The following NPHP4 variants were observed in gnomAD, a reference collection of about 807,000 sequenced individuals.
NPHP4 encodes the protein nephrocystin-4.
Under a neutral mutation model 155.8 loss-of-function variants are expected in NPHP4, and 151 were observed. The ratio of observed to expected loss-of-function variants is 0.97; its 90% CI spans 0.85 to 1.11. NPHP4 has a LOEUF of 1.11. Among genes scored for constraint, NPHP4 ranks in the 50% least tolerant of loss-of-function variants. The pLI, the probability that NPHP4 is intolerant of heterozygous loss-of-function variation, is 0.00. For missense variants in NPHP4, 1,956 were observed against 1,925.7 expected (o/e 1.02, Z -0.29); for synonymous variants, 845 against 816.8 (o/e 1.03, Z -0.59).
chr1:5,981,430 C>T (rs1654678952), intron 2 of NPHP4, among the ~76,000 whole-genome samples: 1 of 152,092 alleles, frequency 6.6e-6, no homozygotes, highest in African/African-American at 2.4e-5. Flanking sequence ...AACTGAAATA[C>T]TCATCCCAAA....
intron 5 of NPHP4, 48 bp from the exon 6 acceptor site, chr1:5,961,997 T>A (rs778493178): frequency 6.7e-7 from 1 of 1,502,262 alleles, no homozygotes; most frequent in Admixed American, 1.8e-5. Context: ...AAAGCAAAGG[T>A]GCTTCCAGTC....
intron 9 of NPHP4, among the ~76,000 whole-genome samples, chr1:5,943,829 G>C (rs559693929): frequency 1.2e-4 from 18 of 152,318 alleles, no homozygotes; most frequent in South Asian, 2.1e-4. Flanking sequence ...TGACACTCCA[G>C]AGCCCTGTCT....
intron 1 of NPHP4, among the ~76,000 whole-genome samples, chr1:5,986,829 G>A (rs1190347551): frequency 6.6e-6 from 1 of 152,136 alleles, no homozygotes; most frequent in Non-Finnish European, 1.5e-5. Context: ...GGACATGAAG[G>A]GATGTTTTAT....
chr1:5,981,187 G>A (rs1004246333), intron 2 of NPHP4, among the ~76,000 whole-genome samples: 1 of 152,156 alleles, frequency 6.6e-6, no homozygotes, highest in African/African-American at 2.4e-5. Context: ...TGCACTCTCA[G>A]GAGGCCATTC....
At chr1:5,915,135 GA>G (rs1172584380) in intron 11 of NPHP4, among the ~76,000 whole-genome samples, 1 of 152,258 alleles carries the variant, frequency 6.6e-6, no homozygotes, top group African/African-American at 2.4e-5. Context: ...GGAGGAGGGA[GA>G]GGGGGCAGCA....
intron 6 of NPHP4, among the ~76,000 whole-genome samples, chr1:5,956,867 T>C (rs1472736628): frequency 6.6e-6 from 1 of 152,172 alleles, no homozygotes; most frequent in Admixed American, 6.5e-5. Context: ...CCCCAATTTA[T>C]AAAGGAAAAA....
intron 10 of NPHP4, among the ~76,000 whole-genome samples, chr1:5,932,547 G>T (rs1037229234): frequency 6.6e-6 from 1 of 151,798 alleles, no homozygotes; most frequent in Non-Finnish European, 1.5e-5. Flanking sequence ...CTCCAACACC[G>T]CCAATGGGGC....
At chr1:5,953,490 G>A (rs900221378) in intron 6 of NPHP4, among the ~76,000 whole-genome samples, 3 of 152,302 alleles carry the variant, frequency 2.0e-5, no homozygotes, top group South Asian at 2.1e-4. Flanking sequence ...CCTGCTGCCC[G>A]GCATGGCTTC....
At chr1:5,945,344 C>T (rs969687372) in intron 9 of NPHP4, among the ~76,000 whole-genome samples, 3 of 152,084 alleles carry the variant, frequency 2.0e-5, no homozygotes, top group Non-Finnish European at 4.4e-5. Flanking sequence ...CCCAGAAGAC[C>T]CCTCCCACCC....
At chr1:5,975,339 C>G (rs1040933308) in intron 3 of NPHP4, among the ~76,000 whole-genome samples, 8 of 152,186 alleles carry the variant, frequency 5.3e-5, no homozygotes, top group Non-Finnish European at 1.0e-4. Context: ...GGGATTCATT[C>G]CTGGGGCACC....
intron 2 of NPHP4, among the ~76,000 whole-genome samples, chr1:5,982,221 G>A (rs1654825635): frequency 6.6e-6 from 1 of 151,964 alleles, no homozygotes; most frequent in African/African-American, 2.4e-5. Flanking sequence ...ACAGTCATGT[G>A]TAACATAATG....
At chr1:5,952,516 C>T (rs1023762228) in intron 7 of NPHP4, among the ~76,000 whole-genome samples, 184 bp downstream of exon 7, 1 of 151,946 alleles carries the variant, frequency 6.6e-6, no homozygotes, top group Non-Finnish European at 1.5e-5. Context: ...ATCCTTAGGG[C>T]CACAGGGCCC....
intron 16 of NPHP4, among the ~76,000 whole-genome samples, chr1:5,899,276 T>C (rs1235976933): frequency 6.6e-6 from 1 of 152,118 alleles, no homozygotes; most frequent in East Asian, 1.9e-4. Context: ...AACGCCTGTT[T>C]GAATGGAGAA....
chr1:5,937,431 AACTT>A (rs1646600899), intron 9 of NPHP4, among the ~76,000 whole-genome samples: 1 of 152,224 alleles, frequency 6.6e-6, no homozygotes, highest in Admixed American at 6.5e-5. Flanking sequence ...GATCAACCTG[AACTT>A]ACTTAGACGA....
intron 21 of NPHP4, 73 bp from the exon 22 acceptor site, chr1:5,874,730 A>G (rs1642388134): frequency 6.5e-7 from 1 of 1,541,412 alleles, no homozygotes; most frequent in Admixed American, 1.8e-5. Context: ...GGTCCCACCC[A>G]CCGAGAGCGG....
At position 5,905,404 on chromosome 1, in the gene NPHP4, G is replaced by A. The variant is rs372569805; in HGVS notation, c.1843C>T (p.Gln615Ter). The change falls in exon 15 of 30, where the codon CAG becomes TAG. Residue 615 changes from glutamine to a stop codon, truncating the protein, a stop_gained. Transcript: ENST00000378156. LOFTEE classifies it high-confidence loss of function. This position sits in a 1 kb window ranked among gnomAD's most constrained non-coding sequence, Gnocchi z 4.0. ...GFPEILDANK[Q>*]PAEAVSATEP... ...GTAGCGCTGACAGCCTCGGCTGGCT[G>A]TTTATTGGCATCCAGAATCTCGGGA... is the stretch of plus-strand genomic sequence containing the variant. The A allele has an allele frequency of 1.2e-6, 2 of 1,613,268 alleles. No homozygotes were observed. Among genetic ancestry groups the A allele is most frequent in the African/African-American group, 2.7e-5 (2 of 74,924 alleles).
intron 3 of NPHP4, among the ~76,000 whole-genome samples, chr1:5,973,304 G>A (rs987463348): frequency 4.6e-5 from 7 of 152,234 alleles, no homozygotes; most frequent in South Asian, 2.1e-4. Context: ...CAACTCCGAC[G>A]CCCATGGCGA....
intron 17 of NPHP4, chr1:5,888,663 C>T: frequency 7.9e-7 from 1 of 1,263,990 alleles, no homozygotes; most frequent in Admixed American, 2.2e-5. Flanking sequence ...CTCCAAGAGG[C>T]AAGGAAATGC....
chr1:5,981,946 G>A (rs1368629002), intron 2 of NPHP4, among the ~76,000 whole-genome samples: 1 of 152,186 alleles, frequency 6.6e-6, no homozygotes, highest in African/African-American at 2.4e-5. Context: ...CTCAAAAAAT[G>A]AGCTGGGAAG....
Sources: gnomAD v4.1 joint callset for allele counts (sites outside exome capture counted in the v4.1 genomes callset) on GRCh38, gnomAD v4.1.1 for gene constraint, Gnocchi (gnomAD v3.1) non-coding constraint, MANE v1.5 for transcripts, NCBI Gene and HGNC (gene_info 2026-07-23, HGNC 2026-07-21) for gene names.